The following TNPO1 variants were observed in gnomAD, a reference collection of about 807,000 sequenced individuals.
TNPO1 encodes the protein transportin 1.
In TNPO1, 8 loss-of-function variants were observed where a neutral mutation model predicts 119.5. The ratio of observed to expected loss-of-function variants is 0.07; its 90% CI spans 0.04 to 0.12. TNPO1 has a LOEUF of 0.12. Ranked by LOEUF, TNPO1 falls within the 10% of genes least tolerant of loss-of-function variation. TNPO1 has a pLI of 1.00. For synonymous variants in TNPO1, 362 were observed against 363.0 expected (o/e 1.00, Z 0.03); for missense variants, 576 against 1,089.8 (o/e 0.53, Z 6.64).
At position 72,858,794 on chromosome 5, in the gene TNPO1, G is replaced by A. The variant is rs553299613; in HGVS notation, c.355+2871G>A. Among the ~76,000 whole-genome samples the A allele has an allele frequency of 2.4e-4, 37 of 151,592 alleles. No homozygotes were observed. The East Asian group carries it at 4.7e-3, about 19-fold the overall frequency. On this transcript the variant is annotated intron_variant, in intron 4 of 24. Coordinates refer to ENST00000337273, the MANE Select transcript of TNPO1 (RefSeq NM_002270.4). The stretch of plus-strand genomic sequence containing the variant: ...GGAGCTTGCAGTGAGCCAGGATCGC[G>A]CCATTGCACTCCAGCCTGGATGACA...
intron 1 of TNPO1, among the ~76,000 whole-genome samples, chr5:72,838,543 G>C (rs1291559399): frequency 6.6e-6 from 1 of 152,068 alleles, no homozygotes; most frequent in Non-Finnish European, 1.5e-5. Context: ...TTTTTTACCA[G>C]CTCCTTAAAT....
chr5:72,871,320 G>A (rs555681007), intron 6 of TNPO1, among the ~76,000 whole-genome samples: 1 of 152,272 alleles, frequency 6.6e-6, no homozygotes, highest in African/African-American at 2.4e-5. Flanking sequence ...TTAAAGCATA[G>A]GTAGCTTACC....
At position 72,828,270 on chromosome 5, in the gene TNPO1, A is replaced by T. The variant is rs75483122; in HGVS notation, c.15+11518A>T. On this transcript the variant is annotated intron_variant, in intron 1 of 24. Coordinates refer to ENST00000337273, the MANE Select transcript of TNPO1 (RefSeq NM_002270.4). ...CCATGGAAATCTCTCAGTGGAGTGGAGTACAATGGGAGACAGTGACTATTT... is the reference window on the plus strand; with the variant it reads ...CCATGGAAATCTCTCAGTGGAGTGGTGTACAATGGGAGACAGTGACTATTT... 8.3e-3 allele frequency among the ~76,000 whole-genome samples: 1,261 copies of T among 152,290 alleles called. 14 individuals carry two copies. Among genetic ancestry groups the T allele is most frequent in the African/African-American group, 0.029 (1,196 of 41,546 alleles).
intron 7 of TNPO1, among the ~76,000 whole-genome samples, chr5:72,875,176 T>G (rs1036183917): frequency 1.3e-5 from 2 of 152,216 alleles, no homozygotes; most frequent in Non-Finnish European, 2.9e-5. Flanking sequence ...CAACATCAGT[T>G]TAGGGTTAAG....
At chr5:72,863,352 C>T (rs4704043) in intron 5 of TNPO1, among the ~76,000 whole-genome samples, 91,346 of 152,006 alleles carry the variant, frequency 0.6, 29,659 homozygotes, top group Middle Eastern at 0.73. Flanking sequence ...CATGGTGGCT[C>T]ACACCTGTAA....
intron 1 of TNPO1, among the ~76,000 whole-genome samples, chr5:72,839,230 A>G (rs1229708093): frequency 6.6e-6 from 1 of 152,118 alleles, no homozygotes; most frequent in Non-Finnish European, 1.5e-5. Context: ...GGACCTAATT[A>G]TTTTGATTAA....
At chr5:72,883,477 G>A (rs993928471) in intron 11 of TNPO1, among the ~76,000 whole-genome samples, 3 of 152,138 alleles carry the variant, frequency 2.0e-5, no homozygotes, top group African/African-American at 7.2e-5. Flanking sequence ...TTCTGTCTCT[G>A]GGTTTGCCTA....
rs554729711 is a variant in TNPO1 at position 72,854,231 on chromosome 5, T to G, written c.206-1543T>G. ...TTTAAAGGTATTTTTGTTTGTTTTGTTTTGGTTTGAGACGGAGTCTCGCAA... is the reference window on the plus strand; with the variant it reads ...TTTAAAGGTATTTTTGTTTGTTTTGGTTTGGTTTGAGACGGAGTCTCGCAA... On this transcript the variant is annotated intron_variant, in intron 3 of 24. Coordinates refer to ENST00000337273, the MANE Select transcript of TNPO1 (RefSeq NM_002270.4). Among the ~76,000 whole-genome samples the G allele has an allele frequency of 4.6e-5, 7 of 152,320 alleles. No homozygotes were observed. In the South Asian group the frequency reaches 1.0e-3, roughly 23 times the overall value.
chr5:72,889,477 G>GT (rs376892918), intron 13 of TNPO1, among the ~76,000 whole-genome samples: 125 of 146,212 alleles, frequency 8.5e-4, no homozygotes, highest in Middle Eastern at 3.5e-3. Flanking sequence ...CAGTACCTCG[G>GT]TTTTTTTTTT....
intron 1 of TNPO1, among the ~76,000 whole-genome samples, chr5:72,827,994 G>A (rs1359285758): frequency 6.6e-6 from 1 of 151,954 alleles, no homozygotes; most frequent in Non-Finnish European, 1.5e-5. Context: ...GATATGTCTT[G>A]TCAGACGTTG....
chr5:72,906,694 G>A (rs1750195527), intron 24 of TNPO1, among the ~76,000 whole-genome samples: 1 of 152,144 alleles, frequency 6.6e-6, no homozygotes, highest in African/African-American at 2.4e-5. Flanking sequence ...GTACTTAAAT[G>A]GGACTAGCAG....
intron 6 of TNPO1, among the ~76,000 whole-genome samples, chr5:72,866,308 A>G (rs1746895243): frequency 1.3e-5 from 2 of 152,178 alleles, no homozygotes; most frequent in African/African-American, 2.4e-5. Flanking sequence ...TTGGTTTTCC[A>G]TTATTACAAC....
chr5:72,892,845 C>G (rs548069808), intron 15 of TNPO1, among the ~76,000 whole-genome samples: 1 of 152,218 alleles, frequency 6.6e-6, no homozygotes, highest in South Asian at 2.1e-4. Context: ...TGAAATGAAT[C>G]TCTTCAATTT....
At chr5:72,868,431 CAAAAAAAAAA>C (rs200691585) in intron 6 of TNPO1, among the ~76,000 whole-genome samples, 66 of 27,064 alleles carry the variant, frequency 2.4e-3, no homozygotes, top group African/African-American at 4.9e-3. Context: ...GACTCCGTCT[CAAAAAAAAAA>C]AAAAAAAAAA....
chr5:72,904,543 C>T (rs973250327), intron 23 of TNPO1, among the ~76,000 whole-genome samples: 1 of 152,186 alleles, frequency 6.6e-6, no homozygotes, highest in Non-Finnish European at 1.5e-5. Flanking sequence ...CACTTGTAAT[C>T]CCAGCACTTT....
intron 1 of TNPO1, among the ~76,000 whole-genome samples, chr5:72,837,655 G>A (rs1484345212): frequency 6.6e-6 from 1 of 152,120 alleles, no homozygotes. Context: ...TCATCCTATT[G>A]TTATCTGATG....
At position 72,891,856 on chromosome 5, in the gene TNPO1, T is replaced by C. The variant is rs138674722; in HGVS notation, c.1748T>C (p.Met583Thr). ...CCTCCACTGATCCAGAAATGGAACA[T>C]GTTAAAGGATGAAGATAAAGATCTC... ...LMPPLIQKWN[M>T]LKDEDKDLFP... The change falls in exon 15 of 25, where the codon ATG (methionine) becomes ACG (threonine). Residue 583 changes from methionine (M) to threonine (T), a missense_variant. This residue lies in a region of TNPO1 where 23 missense variants were observed against 105.8 expected (regional missense o/e 0.22). Transcript: ENST00000337273. The C allele has an allele frequency of 3.7e-6, 6 of 1,611,438 alleles. No individual in the cohort carries two copies. The highest frequency in any genetic ancestry group is 4.2e-6 in the Non-Finnish European group (5 of 1,178,852).
At chr5:72,877,467 A>G in intron 9 of TNPO1, 121 bp downstream of exon 9, 1 of 529,410 alleles carries the variant, frequency 1.9e-6, no homozygotes, top group South Asian at 4.1e-5. Flanking sequence ...AAGAAGCCAG[A>G]CTTAATTTTA....
intron 6 of TNPO1, among the ~76,000 whole-genome samples, chr5:72,867,845 C>T (rs898116934): frequency 6.6e-6 from 1 of 152,222 alleles, no homozygotes; most frequent in African/African-American, 2.4e-5. Flanking sequence ...TTTGACTCCT[C>T]TGTAATATTC....
Sources: allele counts gnomAD v4.1 joint callset (sites outside exome capture counted in the v4.1 genomes callset), GRCh38; gene constraint gnomAD v4.1.1; regional missense constraint gnomAD v4.1.1; transcripts MANE v1.5; gene names NCBI Gene and HGNC (gene_info 2026-07-23, HGNC 2026-07-21).